SIPA1L2: variants seen among roughly 807,000 people sequenced by gnomAD.
SIPA1L2 encodes signal-induced proliferation-associated 1-like protein 2.
A neutral mutation model predicts 163.9 loss-of-function variants in SIPA1L2; 56 were observed. The ratio of observed to expected loss-of-function variants is 0.34; its 90% CI spans 0.28 to 0.43. The LOEUF (loss-of-function observed/expected upper bound fraction) is 0.43. Among genes scored for constraint, SIPA1L2 ranks in the 20% least tolerant of loss-of-function variants. SIPA1L2 has a pLI of 1.00. For missense variants in SIPA1L2, 1,974 were observed against 2,193.5 expected (o/e 0.90, Z 2.00); for synonymous variants, 877 against 865.7 (o/e 1.01, Z -0.23).
intron 3 of SIPA1L2, among the ~76,000 whole-genome samples, chr1:232,497,613 C>G (rs1278396668): frequency 6.6e-6 from 1 of 152,202 alleles, no homozygotes; most frequent in Non-Finnish European, 1.5e-5. Context: ...CCTGCCAGAG[C>G]TGTCTGCTAT....
At chr1:232,408,753 C>G (rs1329065902) in intron 19 of SIPA1L2, among the ~76,000 whole-genome samples, 1 of 152,092 alleles carries the variant, frequency 6.6e-6, no homozygotes, top group Non-Finnish European at 1.5e-5. Flanking sequence ...CCTTTACGTA[C>G]TTTAGGTATC....
intron 13 of SIPA1L2, 48 bp from the exon 14 acceptor site, chr1:232,441,442 CA>C: frequency 6.9e-7 from 1 of 1,449,166 alleles, no homozygotes; most frequent in Non-Finnish European, 9.5e-7. Context: ...CCAGTATTAC[CA>C]AAAGAGTAAA....
chr1:232,440,360 T>C (rs949748743), intron 14 of SIPA1L2, among the ~76,000 whole-genome samples: 2 of 152,220 alleles, frequency 1.3e-5, no homozygotes, highest in Non-Finnish European at 2.9e-5. Context: ...TTTGGCCTTA[T>C]CTTTTTTTAT....
intron 10 of SIPA1L2, among the ~76,000 whole-genome samples, chr1:232,458,877 T>C (rs1005463973): frequency 1.3e-5 from 2 of 152,222 alleles, no homozygotes; most frequent in Non-Finnish European, 2.9e-5. Flanking sequence ...TTTGGACTCA[T>C]AGCAGTACAT....
chr1:232,405,232 A>C (rs767585835), intron 19 of SIPA1L2, among the ~76,000 whole-genome samples: 63 of 152,342 alleles, frequency 4.1e-4, no homozygotes, highest in Non-Finnish European at 7.8e-4. Flanking sequence ...GAGTGCACCC[A>C]GCTACTGATT....
intron 12 of SIPA1L2, among the ~76,000 whole-genome samples, chr1:232,442,938 C>T (rs938679372): frequency 7.9e-5 from 12 of 152,344 alleles, no homozygotes; most frequent in African/African-American, 2.9e-4. Context: ...ATATAAGCTG[C>T]TCCTCAGAGT....
intron 1 of SIPA1L2, among the ~76,000 whole-genome samples, chr1:232,597,754 GCCCCTACTGTGA>G (rs1661358832): frequency 6.7e-6 from 1 of 148,748 alleles, no homozygotes; most frequent in Non-Finnish European, 1.5e-5. Flanking sequence ...AATCACTCAG[GCCCCTACTGTGA>G]TCCAGGCAAG....
At chr1:232,491,228 AG>A (rs1462296603) in intron 4 of SIPA1L2, among the ~76,000 whole-genome samples, 166 bp from the exon 5 acceptor site, 10 of 152,194 alleles carry the variant, frequency 6.6e-5, no homozygotes, top group Admixed American at 6.5e-4. Flanking sequence ...TCAACACTCA[AG>A]GAGTCTTTAA....
At position 232,439,312 on chromosome 1, in the gene SIPA1L2, G is replaced by T; in HGVS notation, c.3827C>A (p.Thr1276Asn). ...TGCCAGGTGCACAGGGCCGAGGATG[G>T]TGGCAGGCATGCAGGGGGCCGTGTC... ...GIDTAPCMPA[T>N]ILGPVHLAGS... The change falls in exon 15 of 23, where the codon ACC becomes AAC. Residue 1276 changes from threonine (T) to asparagine (N), a missense_variant. Thr to Asn is a moderately conservative substitution (Grantham distance 65, BLOSUM62 0). This residue lies in a region of SIPA1L2 where 1,079 missense variants were observed against 1,150.7 expected (regional missense o/e 0.94). Coordinates refer to ENST00000674635, the MANE Select transcript of SIPA1L2 (RefSeq NM_020808.5). 18 of 1,614,198 alleles carry T rather than the reference G, an allele frequency of 1.1e-5. No individual in the cohort carries two copies. The highest frequency in any genetic ancestry group is 1.5e-5 in the Non-Finnish European group (18 of 1,180,036).
intron 8 of SIPA1L2, among the ~76,000 whole-genome samples, chr1:232,468,756 C>T (rs1664650531): frequency 6.6e-6 from 1 of 152,108 alleles, no homozygotes; most frequent in South Asian, 2.1e-4. Context: ...TCTTAGCTAC[C>T]AAGACTTCTC....
At chr1:232,568,519 C>G (rs1659532368) in intron 2 of SIPA1L2, among the ~76,000 whole-genome samples, 1 of 152,118 alleles carries the variant, frequency 6.6e-6, no homozygotes, top group Non-Finnish European at 1.5e-5. Flanking sequence ...CCAAATCTTA[C>G]TTTGTGCAAT....
chr1:232,625,150 T>C (rs557254079), intron 1 of SIPA1L2, among the ~76,000 whole-genome samples: 1 of 152,250 alleles, frequency 6.6e-6, no homozygotes, highest in South Asian at 2.1e-4. Context: ...GATATCCATG[T>C]GGAAAGGTGG....
chr1:232,494,507 A>G (rs927080068), intron 3 of SIPA1L2, among the ~76,000 whole-genome samples: 10 of 152,236 alleles, frequency 6.6e-5, no homozygotes, highest in Non-Finnish European at 1.2e-4. Flanking sequence ...TCCAGAAAAT[A>G]GCCGCTACTT....
rs966761148 is a variant in SIPA1L2, at chr1:232,465,196, C to T, written c.2464G>A (p.Val822Met). Residue 822 changes from valine to methionine, a missense_variant, in exon 9 of 23, where the codon GTG (valine) becomes ATG (methionine). Around this residue, in one of 3 missense-constraint regions of SIPA1L2, gnomAD observed 288 missense variants for 418.9 expected, o/e 0.69. Coordinates refer to ENST00000674635, the MANE Select transcript of SIPA1L2 (RefSeq NM_020808.5). The surrounding 1 kb of genome is among the most constrained non-coding windows in gnomAD (Gnocchi z 4.1). ...AAGCTGAACTTCACAGAGGTATCCA[C>T]GGTGGCGGTTGTGACAAAGTTCTCC... ...LAENFVTTAT[V>M]DTSVKFSFIT... 23 of 1,614,196 alleles carry T rather than the reference C, an allele frequency of 1.4e-5. No individual in the cohort carries two copies. The highest frequency in any genetic ancestry group is 5.0e-5 in the Admixed American group (3 of 60,022).
In SIPA1L2 at chr1:232,627,478, C is replaced by T. The variant is rs182423280; in HGVS notation, c.-319+2391G>A. Among the ~76,000 whole-genome samples the T allele has an allele frequency of 8.8e-4, 133 of 151,938 alleles. 2 individuals carry two copies. The East Asian group carries it at 0.025, about 29-fold the overall frequency. ...AAGGTGGACAAGTGTTTACTAAGCT[C>T]AGGTATCAAGGAACCCTTCAAAACA... is the stretch of plus-strand genomic sequence containing the variant. On this transcript the variant is annotated intron_variant, in intron 1 of 22. Coordinates refer to ENST00000674635, the MANE Select transcript of SIPA1L2 (RefSeq NM_020808.5).
intron 11 of SIPA1L2, among the ~76,000 whole-genome samples, chr1:232,444,174 A>G (rs1302918869): frequency 1.3e-5 from 2 of 152,204 alleles, no homozygotes; most frequent in Non-Finnish European, 2.9e-5. Context: ...TTTTTCAGAC[A>G]TGCAAAAATG....
At chr1:232,593,803 C>G (rs975055934) in intron 1 of SIPA1L2, among the ~76,000 whole-genome samples, 1 of 152,182 alleles carries the variant, frequency 6.6e-6, no homozygotes, top group Non-Finnish European at 1.5e-5. Context: ...AAAGTAGGAA[C>G]AGGTCTTTAG....
intron 18 of SIPA1L2, among the ~76,000 whole-genome samples, chr1:232,417,212 G>C (rs1047841000): frequency 1.8e-4 from 27 of 152,166 alleles, no homozygotes; most frequent in African/African-American, 6.5e-4. Context: ...CCTTGAAGGA[G>C]ACCGACAGAC....
chr1:232,572,700 T>TAC (rs1253775801), intron 2 of SIPA1L2, among the ~76,000 whole-genome samples: 4 of 96,364 alleles, frequency 4.2e-5, no homozygotes, highest in African/African-American at 2.2e-4. Flanking sequence ...CATACATATA[T>TAC]ATATATATAT....
Sources: allele counts gnomAD v4.1 joint callset (sites outside exome capture counted in the v4.1 genomes callset), GRCh38; gene constraint gnomAD v4.1.1; regional missense constraint gnomAD v4.1.1; non-coding constraint Gnocchi (gnomAD v3.1); transcripts MANE v1.5; gene names NCBI Gene and HGNC (gene_info 2026-07-23, HGNC 2026-07-21).